The following CREBBP variants were observed in gnomAD, a reference collection of about 807,000 sequenced individuals.
The protein encoded by CREBBP is CREB binding lysine acetyltransferase.
CREBBP carries 19 observed loss-of-function variants against 265.0 expected under a neutral mutation model. The observed-to-expected ratio is 0.07, with a 90% CI of 0.05 to 0.11. The LOEUF is 0.11. CREBBP is among the 10% of genes least tolerant of loss of function. The pLI is 1.00. For synonymous variants in CREBBP, 1,457 were observed against 1,223.7 expected, an observed-to-expected ratio of 1.19 and a Z score of -3.98; for missense variants, 2,525 against 3,219.0, an observed-to-expected ratio of 0.78 and a Z score of 5.22.
rs747862621 is a variant in CREBBP, at chr16:3,850,920, G to A, written c.175C>T (p.Leu59Phe). Reference sequence around the variant, plus strand: ...TGTTTGGAAGCAGCATCTGGAACAAGGTTCCCACTGTTTAAAAGGCCTAAT... The same window carrying A: ...TGTTTGGAAGCAGCATCTGGAACAAAGTTCCCACTGTTTAAAAGGCCTAAT... ...GELGLLNSGN[L>F]VPDAASKHKQ... The change falls in exon 2 of 31, where the codon CTT becomes TTT. Residue 59 changes from leucine (L) to phenylalanine (F), a missense_variant. By Grantham distance (22) the Leu-to-Phe change is conservative. Coordinates refer to ENST00000262367, the MANE Select transcript of CREBBP (RefSeq NM_004380.3). 1 of 1,614,056 alleles carries A rather than the reference G, an allele frequency of 6.2e-7. No homozygotes were observed. The highest frequency in any genetic ancestry group is 8.5e-7 in the Non-Finnish European group (1 of 1,180,042).
Position 3,731,519 on chromosome 16 carries a change from C to G in CREBBP, c.4891-46G>C. ...TAGTCCCACACAAGGGACATGGCAC[C>G]TCCAGTGGTGAGCTCAGGGCAGGCG... On this transcript the variant is annotated intron_variant, in intron 29 of 30. Transcript: ENST00000262367. The surrounding 1 kb of genome is among the most constrained non-coding windows in gnomAD (Gnocchi z 7.7). 5 of 1,555,150 alleles carry G rather than the reference C, an allele frequency of 3.2e-6. No homozygotes were observed. Among genetic ancestry groups the G allele is most frequent in the Non-Finnish European group, 4.3e-6 (5 of 1,153,272 alleles).
At chr16:3,860,176 C>A (rs2055045298) in intron 1 of CREBBP, among the ~76,000 whole-genome samples, 1 of 152,130 alleles carries the variant, frequency 6.6e-6, no homozygotes, top group African/African-American at 2.4e-5. Context: ...TCTGTGTCGA[C>A]TGTTGACACT....
intron 1 of CREBBP, among the ~76,000 whole-genome samples, chr16:3,862,791 G>C (rs1355402298): frequency 6.6e-6 from 1 of 152,154 alleles, no homozygotes; most frequent in Non-Finnish European, 1.5e-5. Context: ...AGCTTTGCCT[G>C]CCTGCCTTGC....
chr16:3,745,991 C>T (rs974543346), intron 21 of CREBBP, among the ~76,000 whole-genome samples: 8 of 152,222 alleles, frequency 5.3e-5, no homozygotes, highest in African/African-American at 1.7e-4. Flanking sequence ...CACTGTTCTA[C>T]GGCAGCCCAC....
rs2051907545 is a variant in CREBBP, at chr16:3,731,237, C to T, written c.5127G>A (p.Glu1709=). 2 of 1,614,168 alleles carry T rather than the reference C, an allele frequency of 1.2e-6. No homozygotes were observed. The highest frequency in any genetic ancestry group is 1.7e-6 in the Non-Finnish European group (2 of 1,180,024). ...GQDRFVYTCN[E]CKHHVETRWH... is the part of the protein sequence containing the mutation. ...AGCGCGTCTCCACGTGGTGCTTGCACTCGTTGCAGGTGTAGACAAAGCGGT... is the reference window on the plus strand; with the variant it reads ...AGCGCGTCTCCACGTGGTGCTTGCATTCGTTGCAGGTGTAGACAAAGCGGT... Residue 1709 remains glutamate (E), a synonymous_variant, in exon 30 of 31, where the codon GAG becomes GAA. Transcript: ENST00000262367. The surrounding 1 kb of genome is among the most constrained non-coding windows in gnomAD (Gnocchi z 7.7).
At chr16:3,852,035 CAAAAAAAAAAAAAAAAAAAAA>C (rs551018184) in intron 1 of CREBBP, among the ~76,000 whole-genome samples, 72 of 11,198 alleles carry the variant, frequency 6.4e-3, no homozygotes, top group Non-Finnish European at 8.5e-3. Flanking sequence ...GACTCCATCT[CAAAAAAAAAAAAAAAAAAAAA>C]AAAAAAAAAA....
At chr16:3,756,407 T>C (rs940134817) in intron 19 of CREBBP, among the ~76,000 whole-genome samples, 1 of 152,258 alleles carries the variant, frequency 6.6e-6, no homozygotes, top group Non-Finnish European at 1.5e-5. Context: ...ACTCCAAAAC[T>C]ACGCAAGCTG....
chr16:3,777,872 C>G (rs1445476709), intron 10 of CREBBP, 139 bp downstream of exon 10: 1 of 1,176,996 alleles, frequency 8.5e-7, no homozygotes, highest in African/African-American at 1.5e-5. Flanking sequence ...GGCAGGTGGT[C>G]AGGGCCACTG....
At position 3,850,712 on chromosome 16, in the gene CREBBP, G is replaced by C. The variant is rs55790011; in HGVS notation, c.383C>G (p.Ser128Cys). The C allele has an allele frequency of 1.2e-3, 1,912 of 1,614,132 alleles. 2 individuals carry two copies. The highest frequency in any genetic ancestry group is 1.5e-3 in the Non-Finnish European group (1,747 of 1,180,044). ...CTGTTTAGGCAGGCTGGGGGCTGAA[G>C]AATCTCCCTGGCTCAGAGGGCTCTT... ...MGKSPLSQGD[S>C]SAPSLPKQAA... is the part of the protein sequence containing the mutation. Residue 128 changes from serine (S) to cysteine (C), a missense_variant, in exon 2 of 31, where the codon TCT becomes TGT. By Grantham distance (112) the Ser-to-Cys change is moderately radical. Coordinates refer to ENST00000262367, the MANE Select transcript of CREBBP (RefSeq NM_004380.3).
At chr16:3,737,178 G>A (rs755632273) in intron 26 of CREBBP, among the ~76,000 whole-genome samples, 2 of 152,148 alleles carry the variant, frequency 1.3e-5, no homozygotes, top group African/African-American at 4.8e-5. Flanking sequence ...TTTTCTCCAA[G>A]GGTCAATGTC....
Position 3,751,814 on chromosome 16 carries a change from C to T in CREBBP, c.3699-8G>A. The T allele has an allele frequency of 6.2e-7, 1 of 1,613,980 alleles. No homozygotes were observed. Among genetic ancestry groups the T allele is most frequent in the Non-Finnish European group, 8.5e-7 (1 of 1,179,936 alleles). ...TTCTCACAGAAATGATACCTGTCAG[C>T]AAGAAGGCCATACTTGGGTGAACTG... On this transcript the variant is annotated splice_polypyrimidine_tract_variant and splice_region_variant and intron_variant, in intron 19 of 30. Transcript: ENST00000262367.
chr16:3,872,238 AAAC>A (rs1374690051), intron 1 of CREBBP, among the ~76,000 whole-genome samples: 1 of 152,190 alleles, frequency 6.6e-6, no homozygotes, highest in African/African-American at 2.4e-5. Flanking sequence ...TTAATAAAAA[AAAC>A]TTTAAAAAGA....
In CREBBP at chr16:3,731,883, T is replaced by A. The variant is rs2151319483; in HGVS notation, c.4783A>T (p.Lys1595Ter). The change falls in exon 29 of 31, where the codon AAG (lysine) becomes TAG (stop). Residue 1595 changes from lysine to a stop codon, truncating the protein, a stop_gained. Transcript: ENST00000262367. LOFTEE classifies it high-confidence loss of function. This position sits in a 1 kb window ranked among gnomAD's most constrained non-coding sequence, Gnocchi z 7.7. ...AKKKNNKKTN[K>*]NKSSISRANK... The stretch of plus-strand genomic sequence containing the variant: ...GCGCGGCTGATGCTGCTTTTGTTCT[T>A]GTTGGTTTTCTTGTTGTTCTTCTTC... 1 of 1,614,250 alleles carries A rather than the reference T, an allele frequency of 6.2e-7. No individual in the cohort carries two copies.
intron 6 of CREBBP, 39 bp downstream of exon 6, chr16:3,782,645 T>C (rs1329914729): frequency 1.2e-5 from 20 of 1,611,262 alleles, no homozygotes; most frequent in Non-Finnish European, 1.6e-5. Context: ...TTGCTGCATG[T>C]GGACAAGTAA....
At position 3,805,704 on chromosome 16, in the gene CREBBP, G is replaced by A. The variant is rs1182305709; in HGVS notation, c.975+4899C>T. On this transcript the variant is annotated intron_variant, in intron 3 of 30. Coordinates refer to ENST00000262367, the MANE Select transcript of CREBBP (RefSeq NM_004380.3). ...GGGAAGATTAGTGAAGCCTTCTGAA[G>A]TACTAAAGTGGACATGAAGACCAAC... Among the ~76,000 whole-genome samples the A allele has an allele frequency of 2.0e-5, 3 of 152,304 alleles. No homozygotes were observed. The South Asian group carries it at 6.2e-4, about 32-fold the overall frequency.
intron 3 of CREBBP, 112 bp from the exon 4 acceptor site, chr16:3,793,738 G>C (rs939726297): frequency 3.1e-6 from 4 of 1,298,990 alleles, no homozygotes; most frequent in African/African-American, 3.0e-5. Flanking sequence ...CGACCACAGA[G>C]AGAAGGCTGG....
At chr16:3,777,045 T>C (rs113820223) in intron 11 of CREBBP, among the ~76,000 whole-genome samples, 3,161 of 125,204 alleles carry the variant, frequency 0.025, 101 homozygotes, top group African/African-American at 0.088. Context: ...GAAAATAAAG[T>C]AAAATAAAAA....
chr16:3,780,505 G>T (rs937307330), intron 8 of CREBBP, among the ~76,000 whole-genome samples: 1 of 152,108 alleles, frequency 6.6e-6, no homozygotes, highest in Non-Finnish European at 1.5e-5. Flanking sequence ...AGTGCCCCTC[G>T]GCAGTACAGA....
At chr16:3,797,459 T>C (rs906233765) in intron 3 of CREBBP, among the ~76,000 whole-genome samples, 6 of 152,180 alleles carry the variant, frequency 3.9e-5, no homozygotes, top group African/African-American at 1.4e-4. Flanking sequence ...GAATCCTATA[T>C]ATACTGTATT....
Sources: gnomAD v4.1 joint callset for allele counts (sites outside exome capture counted in the v4.1 genomes callset) on GRCh38, gnomAD v4.1.1 for gene constraint, Gnocchi (gnomAD v3.1) non-coding constraint, MANE v1.5 for transcripts, NCBI Gene and HGNC (gene_info 2026-07-23, HGNC 2026-07-21) for gene names.